The following GRIK4 variants were observed in gnomAD, a reference collection of about 807,000 sequenced individuals.
GRIK4 encodes the protein glutamate receptor ionotropic, kainate 4.
A neutral mutation model predicts 104.9 loss-of-function variants in GRIK4; 40 were observed. The ratio of observed to expected loss-of-function variants is 0.38; its 90% confidence interval spans 0.30 to 0.50. The LOEUF (loss-of-function observed/expected upper bound fraction) is 0.50, where lower values mean the gene tolerates loss of function less well. Among genes scored for constraint, GRIK4 ranks in the 20% least tolerant of loss-of-function variants. The pLI, the probability that GRIK4 is intolerant of heterozygous loss-of-function variation, is 0.93. For synonymous variants in GRIK4, 485 were observed against 524.9 expected, an observed-to-expected ratio of 0.92 and a Z score of 1.04; for missense variants, 1,047 against 1,308.1, an observed-to-expected ratio of 0.80 and a Z score of 3.08.
intron 3 of GRIK4, among the ~76,000 whole-genome samples, chr11:120,764,499 G>C (rs972874593): frequency 6.6e-6 from 1 of 152,092 alleles, no homozygotes; most frequent in African/African-American, 2.4e-5. Flanking sequence ...ATGCTAGCTG[G>C]TTATTTTGCC....
At position 120,855,808 on chromosome 11, in the gene GRIK4, C is replaced by T. The variant is rs201007487; in HGVS notation, c.745-6151C>T. Among the ~76,000 whole-genome samples, 20 of 152,356 alleles carry T rather than the reference C, an allele frequency of 1.3e-4. No homozygotes were observed. In the East Asian group the frequency reaches 1.5e-3, roughly 12 times the overall value. On this transcript the variant is annotated intron_variant, in intron 8 of 20. Coordinates refer to ENST00000527524, the MANE Select transcript of GRIK4 (RefSeq NM_014619.5). Reference sequence around the variant, plus strand: ...GGACTCCTGACTCCAGGTAATGCCCCGGCCTTGGCCTCGCAAAATGCTGGG... The same window carrying T: ...GGACTCCTGACTCCAGGTAATGCCCTGGCCTTGGCCTCGCAAAATGCTGGG...
chr11:120,780,803 A>G (rs1952141442), intron 3 of GRIK4, among the ~76,000 whole-genome samples: 3 of 152,010 alleles, frequency 2.0e-5, no homozygotes, highest in African/African-American at 7.3e-5. Flanking sequence ...GTGCAGTGGC[A>G]CGATCTCAGC....
chr11:120,739,947 G>A (rs1161303074), intron 3 of GRIK4, among the ~76,000 whole-genome samples: 2 of 152,194 alleles, frequency 1.3e-5, no homozygotes, highest in Non-Finnish European at 1.5e-5. Flanking sequence ...CCCTAGGACT[G>A]CACTCCAGCC....
chr11:120,963,474 TCTG>T (rs1261849747), intron 18 of GRIK4, among the ~76,000 whole-genome samples: 1 of 152,216 alleles, frequency 6.6e-6, no homozygotes, highest in Non-Finnish European at 1.5e-5. Context: ...TCCAGCCGCT[TCTG>T]ACATGCACAC....
At chr11:120,592,198 G>T (rs988477891) in intron 1 of GRIK4, among the ~76,000 whole-genome samples, 3 of 152,122 alleles carry the variant, frequency 2.0e-5, no homozygotes, top group Admixed American at 6.5e-5. Flanking sequence ...GAGGCTTTAG[G>T]GACTGGAAAA....
At chr11:120,526,172 A>G (rs1947853602) in intron 1 of GRIK4, among the ~76,000 whole-genome samples, 1 of 152,102 alleles carries the variant, frequency 6.6e-6, no homozygotes, top group South Asian at 2.1e-4. Flanking sequence ...TTCTGTGGAC[A>G]TTCCTTGAGC....
At chr11:120,740,837 C>T (rs1277285055) in intron 3 of GRIK4, among the ~76,000 whole-genome samples, 1 of 152,160 alleles carries the variant, frequency 6.6e-6, no homozygotes, top group Non-Finnish European at 1.5e-5. Flanking sequence ...CTGCATAATG[C>T]TTTATTATGG....
intron 1 of GRIK4, among the ~76,000 whole-genome samples, chr11:120,573,981 G>A (rs1051809577): frequency 6.6e-6 from 1 of 152,228 alleles, no homozygotes; most frequent in Non-Finnish European, 1.5e-5. Context: ...GCTACCCAAG[G>A]AGGGCCTTAG....
chr11:120,603,808 C>T (rs528088566), intron 1 of GRIK4, among the ~76,000 whole-genome samples: 19 of 152,070 alleles, frequency 1.2e-4, no homozygotes, highest in African/African-American at 4.1e-4. Flanking sequence ...GCTACTGGCA[C>T]GTGGTGGGTG....
chr11:120,518,633 A>G (rs1180018877), intron 1 of GRIK4, among the ~76,000 whole-genome samples: 1 of 151,960 alleles, frequency 6.6e-6, no homozygotes, highest in African/African-American at 2.4e-5. Flanking sequence ...AAAATTTTTT[A>G]AATATTTTGA....
intron 3 of GRIK4, among the ~76,000 whole-genome samples, chr11:120,716,993 C>G (rs1565311798): frequency 6.6e-6 from 1 of 152,166 alleles, no homozygotes; most frequent in African/African-American, 2.4e-5. Context: ...GACTAGGATC[C>G]AAATCCTTTA....
intron 19 of GRIK4, among the ~76,000 whole-genome samples, chr11:120,981,094 C>T (rs966445323): frequency 5.3e-5 from 8 of 152,148 alleles, no homozygotes; most frequent in East Asian, 1.9e-4. Flanking sequence ...CTGAAAAACA[C>T]GGGACACAAG....
chr11:120,945,952 A>C (rs1943848518), intron 14 of GRIK4, among the ~76,000 whole-genome samples: 1 of 152,240 alleles, frequency 6.6e-6, no homozygotes, highest in African/African-American at 2.4e-5. Context: ...AAGTGGCAGA[A>C]CATCTGAAGT....
intron 1 of GRIK4, among the ~76,000 whole-genome samples, chr11:120,644,556 C>T (rs184885172): frequency 1.3e-5 from 2 of 152,306 alleles, no homozygotes; most frequent in African/African-American, 4.8e-5. Flanking sequence ...AATACCTATG[C>T]CAGTTGCTCC....
chr11:120,518,081 GGTT>G (rs1300030903), intron 1 of GRIK4, among the ~76,000 whole-genome samples: 2 of 152,232 alleles, frequency 1.3e-5, no homozygotes, highest in Non-Finnish European at 2.9e-5. Flanking sequence ...TGAGAAGGGA[GGTT>G]GTGTTCTGGG....
chr11:120,793,187 G>A (rs1952434611), intron 3 of GRIK4, among the ~76,000 whole-genome samples: 1 of 152,176 alleles, frequency 6.6e-6, no homozygotes. Context: ...AGTTTGGGTG[G>A]AGTGGTGGGG....
rs1944097395 is a variant in GRIK4, at chr11:120,954,783, AC to A, written c.1700+1820del. Among the ~76,000 whole-genome samples the A allele has an allele frequency of 1.5e-3, 10 of 6,718 alleles. No individual in the cohort carries two copies. In the Admixed American group the frequency reaches 0.016, roughly 11 times the overall value. The allele number at this position is 6,718 out of a possible 152,430, so 4.4% of individuals were successfully genotyped here. A position where few individuals can be genotyped will look rare whatever the true frequency, so the allele number is the denominator to read the frequency against. On this transcript the variant is annotated intron_variant, in intron 15 of 20. Coordinates refer to ENST00000527524, the MANE Select transcript of GRIK4 (RefSeq NM_014619.5). ...AACCATACGGCCTCTCTCTCTCACT[AC>A]ACACACACACACACACACACACACA...
intron 3 of GRIK4, among the ~76,000 whole-genome samples, chr11:120,776,138 A>G (rs1045320479): frequency 2.0e-5 from 3 of 152,230 alleles, no homozygotes; most frequent in African/African-American, 7.2e-5. Context: ...GCCCAGAAAC[A>G]TCTGCTCTCT....
chr11:120,781,385 C>G (rs548442759), intron 3 of GRIK4, among the ~76,000 whole-genome samples: 4 of 152,156 alleles, frequency 2.6e-5, no homozygotes, highest in African/African-American at 9.7e-5. Context: ...AATTCTTACT[C>G]TGTCACCCAG....
Sources: allele counts gnomAD v4.1 joint callset (sites outside exome capture counted in the v4.1 genomes callset), GRCh38; gene constraint gnomAD v4.1.1; transcripts MANE v1.5; gene names NCBI Gene and HGNC (gene_info 2026-07-23, HGNC 2026-07-21).